The following SYAP1 variants were observed in gnomAD, a reference collection of about 807,000 sequenced individuals.
SYAP1 encodes the protein synapse associated protein 1.
Under a neutral mutation model 29.6 loss-of-function variants are expected in SYAP1, and 3 were observed. That is an observed-to-expected ratio of 0.10 (90% CI 0.05 to 0.26). The LOEUF (loss-of-function observed/expected upper bound fraction) is 0.26. SYAP1 is among the 10% of genes least tolerant of loss of function. The probability of loss-of-function intolerance (pLI) is 1.00; values close to 1 mark genes in which losing one functional copy is unlikely to be tolerated. For missense variants in SYAP1, 217 were observed against 264.1 expected, an observed-to-expected ratio of 0.82 and a Z score of 1.24; for synonymous variants, 102 against 102.7, an observed-to-expected ratio of 0.99 and a Z score of 0.04.
chrX:16,742,920 ATTTTTTT>A (rs761130108), intron 4 of SYAP1, among the ~76,000 whole-genome samples: 6 of 62,992 alleles, frequency 9.5e-5, no homozygotes, highest in Admixed American at 2.1e-4. Flanking sequence ...GTCCGCTTCT[ATTTTTTT>A]TTTTTTTTTT....
At chrX:16,734,996 C>CA (rs1213395857) in intron 1 of SYAP1, among the ~76,000 whole-genome samples, 244 of 9,854 alleles carry the variant, frequency 0.025, 13 homozygotes, top group African/African-American at 0.031. Flanking sequence ...GAGACTGTCT[C>CA]AAAAAAAAAA....
At chrX:16,747,020 A>T (rs1926624967) in intron 5 of SYAP1, among the ~76,000 whole-genome samples, 1 of 112,210 alleles carries the variant, frequency 8.9e-6, no homozygotes, top group Non-Finnish European at 1.9e-5. Context: ...GTGGCACAGT[A>T]GCTTACTGTA....
intron 8 of SYAP1, among the ~76,000 whole-genome samples, chrX:16,757,882 G>A (rs956933300): frequency 1.8e-5 from 2 of 108,534 alleles, no homozygotes; most frequent in Non-Finnish European, 3.8e-5. Context: ...ACTCCAGCCT[G>A]GGTGACAGAG....
rs1399838531 is a variant in SYAP1 at position 16,735,210 on chromosome X, C to A, written c.176-17C>A. The A allele has an allele frequency of 4.7e-6, 5 of 1,063,078 alleles. No homozygotes were observed. Among genetic ancestry groups the A allele is most frequent in the Admixed American group, 2.8e-5 (1 of 36,202 alleles). 87.6% of individuals were successfully genotyped at this position (1,063,078 alleles called of 1,213,427 possible). Reference sequence around the variant, plus strand: ...ATCTCAAACATAATAACCACAGATTCTTTTTATTCTTTACAGACTATTTAT... The same window carrying A: ...ATCTCAAACATAATAACCACAGATTATTTTTATTCTTTACAGACTATTTAT... On this transcript the variant is annotated splice_polypyrimidine_tract_variant and intron_variant, in intron 1 of 8. Coordinates refer to ENST00000380155, the MANE Select transcript of SYAP1 (RefSeq NM_032796.4).
chrX:16,759,027 C>CAA (rs1200498985), intron 8 of SYAP1, among the ~76,000 whole-genome samples: 1 of 79,398 alleles, frequency 1.3e-5, no homozygotes, highest in African/African-American at 4.6e-5. Context: ...ACTAAAAATA[C>CAA]AAAAAAAAAA....
chrX:16,735,447 C>A, intron 2 of SYAP1, 102 bp downstream of exon 2: 2 of 522,415 alleles, frequency 3.8e-6, no homozygotes, highest in South Asian at 4.1e-5. Context: ...AGTAGAATAT[C>A]ATATTCTGAT....
chrX:16,743,641 T>A (rs1602329824), intron 4 of SYAP1, 60 bp from the exon 5 acceptor site: 13 of 1,067,134 alleles, frequency 1.2e-5, no homozygotes, highest in African/African-American at 1.9e-5. Context: ...AAAAAAAAAA[T>A]TGTTATCTAT....
At position 16,760,849 on chromosome X, in the gene SYAP1, T is replaced by TTCTAAAATTCCACCTGAAA. The variant is rs1158159639; in HGVS notation, c.*491_*509dup. ...CAGAACTATTCACTTGCCAGGTATTTTCTAAAATTCCACCTGAAAGCCAAA... is the reference window on the plus strand; with the variant it reads ...CAGAACTATTCACTTGCCAGGTATTTTCTAAAATTCCACCTGAAATCTAAAATTCCACCTGAAAGCCAAA... On this transcript the variant is annotated 3_prime_UTR_variant, in exon 9 of 9. Coordinates refer to ENST00000380155, the MANE Select transcript of SYAP1 (RefSeq NM_032796.4). 8.9e-6 allele frequency: 1 copy of TTCTAAAATTCCACCTGAAA among 111,909 alleles called. No individual in the cohort carries two copies. Among genetic ancestry groups the TTCTAAAATTCCACCTGAAA allele is most frequent in the Non-Finnish European group, 1.9e-5 (1 of 53,236 alleles). The allele number at this position is 111,909 out of a possible 1,213,427, so 9.2% of individuals were successfully genotyped here. A position where few individuals can be genotyped will look rare whatever the true frequency, so the allele number is the denominator to read the frequency against.
At chrX:16,739,224 T>C (rs902131830) in intron 3 of SYAP1, among the ~76,000 whole-genome samples, 5 of 111,376 alleles carry the variant, frequency 4.5e-5, no homozygotes, top group African/African-American at 1.6e-4. Context: ...TGGATTATAA[T>C]TGCCACCATT....
At chrX:16,725,267 A>G (rs1164557165) in intron 1 of SYAP1, among the ~76,000 whole-genome samples, 1 of 111,989 alleles carries the variant, frequency 8.9e-6, no homozygotes, top group African/African-American at 3.2e-5. Context: ...TCAGACCCTC[A>G]CTTTATGGAC....
At chrX:16,751,975 CTTTTTTTTTTTTT>C (rs773120810) in intron 5 of SYAP1, among the ~76,000 whole-genome samples, 12 of 56,669 alleles carry the variant, frequency 2.1e-4, no homozygotes, top group African/African-American at 1.1e-3. Context: ...TGCACCCGGC[CTTTTTTTTTTTTT>C]TTTTTTTTTT....
At chrX:16,753,534 T>A (rs1395167753) in intron 5 of SYAP1, among the ~76,000 whole-genome samples, 1 of 112,215 alleles carries the variant, frequency 8.9e-6, no homozygotes, top group East Asian at 2.8e-4. Flanking sequence ...CACAAGATAG[T>A]ATTCTTCCTC....
intron 1 of SYAP1, among the ~76,000 whole-genome samples, chrX:16,732,906 GA>G (rs1926240459): frequency 8.9e-6 from 1 of 112,326 alleles, no homozygotes; most frequent in East Asian, 2.8e-4. Context: ...GTCTGGCTGA[GA>G]AGACATTCAC....
At chrX:16,723,280 C>G (rs1345218602) in intron 1 of SYAP1, among the ~76,000 whole-genome samples, 3 of 112,190 alleles carry the variant, frequency 2.7e-5, no homozygotes, top group Non-Finnish European at 5.6e-5. Flanking sequence ...TAATTGAGTT[C>G]TGATAACACA....
chrX:16,736,343 C>A, intron 3 of SYAP1, 111 bp downstream of exon 3: 1 of 490,824 alleles, frequency 2.0e-6, no homozygotes, highest in South Asian at 3.5e-5. Flanking sequence ...GCAATGGCCC[C>A]ATCCTTTGGG....
chrX:16,742,143 GTTTTTTT>G (rs144175479), intron 4 of SYAP1, among the ~76,000 whole-genome samples: 3 of 41,872 alleles, frequency 7.2e-5, no homozygotes, highest in Non-Finnish European at 1.2e-4. Flanking sequence ...TTTTTGTGTG[GTTTTTTT>G]TTTTTTTTTT....
chrX:16,758,507 C>T (rs1926904243), intron 8 of SYAP1, among the ~76,000 whole-genome samples: 1 of 110,752 alleles, frequency 9.0e-6, no homozygotes, highest in Non-Finnish European at 1.9e-5. Context: ...ACCACCACAC[C>T]TGGCTAATTT....
intron 1 of SYAP1, among the ~76,000 whole-genome samples, chrX:16,730,739 C>T (rs1429782431): frequency 8.9e-6 from 1 of 112,376 alleles, no homozygotes; most frequent in Non-Finnish European, 1.9e-5. Flanking sequence ...CTGACTTGTC[C>T]TAAGCATCCC....
chrX:16,755,654 A>G (rs1206227390), intron 6 of SYAP1, among the ~76,000 whole-genome samples: 1 of 111,025 alleles, frequency 9.0e-6, no homozygotes, highest in Non-Finnish European at 1.9e-5. Context: ...TCCACTCCCA[A>G]GTTACAAGGA....
Sources: gnomAD v4.1 joint callset for allele counts (sites outside exome capture counted in the v4.1 genomes callset) on GRCh38, gnomAD v4.1.1 for gene constraint, MANE v1.5 for transcripts, NCBI Gene and HGNC (gene_info 2026-07-23, HGNC 2026-07-21) for gene names.